DENND4B: variants seen among roughly 807,000 people sequenced by gnomAD.
DENND4B encodes the protein DENN domain-containing protein 4B.
In DENND4B, 67 loss-of-function variants were observed where a neutral mutation model predicts 161.0. The observed-to-expected ratio is 0.42, with a 90% CI of 0.34 to 0.51. DENND4B has a LOEUF of 0.51. Among genes scored for constraint, DENND4B ranks in the 20% least tolerant of loss-of-function variants. DENND4B has a pLI of 0.08. For missense variants in DENND4B, 1,481 were observed against 1,968.0 expected (o/e 0.75, Z 4.68); for synonymous variants, 753 against 813.8 (o/e 0.93, Z 1.27).
chr1:153,932,393 G>C lies in DENND4B; in HGVS notation c.3807C>G (p.Pro1269=), dbSNP rs1372200131. Residue 1269 remains proline (P), a synonymous_variant, in exon 24 of 28, where the codon CCC becomes CCG. Coordinates refer to ENST00000361217, the MANE Select transcript of DENND4B (RefSeq NM_014856.3). This position sits in a 1 kb window ranked among gnomAD's most constrained non-coding sequence, Gnocchi z 5.8. Reference sequence around the variant, plus strand: ...ACTCCAGCTCCTTACGCAGCACCAGGGGGCTCAGGTATGCCCATGCCCCAC... The same window carrying C: ...ACTCCAGCTCCTTACGCAGCACCAGCGGGCTCAGGTATGCCCATGCCCCAC... The part of the protein sequence containing the change: ...VESGAWAYLS[P]LVLRKELESL... 6.2e-7 allele frequency: 1 copy of C among 1,613,506 alleles called. No individual in the cohort carries two copies. The highest frequency in any genetic ancestry group is 1.7e-5 in the Admixed American group (1 of 59,946).
Position 153,942,166 on chromosome 1 carries a change from T to G in DENND4B, c.810+21A>C. 1 of 1,613,864 alleles carries G rather than the reference T, an allele frequency of 6.2e-7. No homozygotes were observed. The highest frequency in any genetic ancestry group is 1.6e-4 in the Middle Eastern group (1 of 6,062). ...CAGGCCCTGCATAGCCTGGACCCCT[T>G]GCCACACTCCACACACCCACCTTAT... On this transcript the variant is annotated intron_variant, in intron 5 of 27. Coordinates refer to ENST00000361217, the MANE Select transcript of DENND4B (RefSeq NM_014856.3). The surrounding 1 kb of genome is among the most constrained non-coding windows in gnomAD (Gnocchi z 6.9).
At position 153,941,998 on chromosome 1, in the gene DENND4B, C is replaced by A; in HGVS notation, c.926G>T (p.Gly309Val). 1.2e-6 allele frequency: 2 copies of A among 1,611,720 alleles called. No homozygotes were observed. The highest frequency in any genetic ancestry group is 1.7e-6 in the Non-Finnish European group (2 of 1,179,322). The change falls in exon 6 of 28, where the codon GGC becomes GTC. Residue 309 changes from glycine (G) to valine (V), a missense_variant. Physicochemically the swap from Gly to Val is moderately radical, Grantham distance 109. This residue lies in a region of DENND4B where 806 missense variants were observed against 1,134.4 expected (regional missense o/e 0.71). Transcript: ENST00000361217. ...SAVERGRALGGRAVRSRRAIA... is the reference protein window; with the variant it reads ...SAVERGRALGVRAVRSRRAIA... ...GGCACGCCGGCTGCGCACAGCTCTG[C>A]CCCCCAGTGCCCGACCCCGCTCCAC...
rs1679364589 is a variant in DENND4B, at chr1:153,936,787, C to T, written c.2233-39G>A. ...GGGACACATCAGGGTGAGTACAATG[C>T]CAGGTCTTTCTTACTTATCTATTTA... On this transcript the variant is annotated intron_variant, in intron 15 of 27. Coordinates refer to ENST00000361217, the MANE Select transcript of DENND4B (RefSeq NM_014856.3). The surrounding 1 kb of genome is among the most constrained non-coding windows in gnomAD (Gnocchi z 4.1). 1 of 1,458,782 alleles carries T rather than the reference C, an allele frequency of 6.9e-7. No homozygotes were observed. The highest frequency in any genetic ancestry group is 9.1e-7 in the Non-Finnish European group (1 of 1,096,206). The allele number at this position is 1,458,782 out of a possible 1,614,324, so 90.4% of individuals were successfully genotyped here.
At position 153,934,867 on chromosome 1, in the gene DENND4B, T is replaced by C; in HGVS notation, c.2666A>G (p.Gln889Arg). Residue 889 changes from glutamine (Q) to arginine (R), a missense_variant, in exon 18 of 28, where the codon CAG becomes CGG. Physicochemically the swap from Gln to Arg is conservative, Grantham distance 43 (BLOSUM62 1). Coordinates refer to ENST00000361217, the MANE Select transcript of DENND4B (RefSeq NM_014856.3). The surrounding 1 kb of genome is among the most constrained non-coding windows in gnomAD (Gnocchi z 5.3). ...NVVLGAAQFRQPLRERQQQQQ... is the reference protein window; with the variant it reads ...NVVLGAAQFRRPLRERQQQQQ... ...CTGCTGTTGCCGTTCTCTCAAGGGC[T>C]GGCGGAACTGAGCAGCCCCCAGGAC... 6.2e-7 allele frequency: 1 copy of C among 1,613,694 alleles called. No individual in the cohort carries two copies.
At chr1:153,945,248 G>C (rs553240829) in intron 1 of DENND4B, 5 of 1,107,268 alleles carry the variant, frequency 4.5e-6, no homozygotes, top group Admixed American at 2.6e-5. Context: ...GCCCAGAAGC[G>C]TGGGGGGTGC....
rs1363684921 is a variant in DENND4B, at chr1:153,942,873, C to T, written c.570+5G>A. ...GACCAGGTGTCAGCTCTTGGCCCCA[C>T]TCACCATGCCAGGGTTGAGGTTGCG... On this transcript the variant is annotated splice_donor_5th_base_variant and intron_variant, in intron 3 of 27. Transcript: ENST00000361217. This position sits in a 1 kb window ranked among gnomAD's most constrained non-coding sequence, Gnocchi z 6.9. 1 of 1,592,360 alleles carries T rather than the reference C, an allele frequency of 6.3e-7. No individual in the cohort carries two copies.
At chr1:153,941,775 G>GGGCT in intron 6 of DENND4B, 94 bp downstream of exon 6, 1 of 1,338,172 alleles carries the variant, frequency 7.5e-7, no homozygotes. Flanking sequence ...CCTGTGCCCA[G>GGGCT]CCCTCCCCCC....
At position 153,934,928 on chromosome 1, in the gene DENND4B, C is replaced by T. The variant is rs377285411; in HGVS notation, c.2605G>A (p.Gly869Ser). 1 of 1,613,176 alleles carries T rather than the reference C, an allele frequency of 6.2e-7. No individual in the cohort carries two copies. Among genetic ancestry groups the T allele is most frequent in the Non-Finnish European group, 8.5e-7 (1 of 1,179,904 alleles). ...LESKWPSGTP[G>S]GRLRWAKLRN... is the part of the protein sequence containing the mutation. The stretch of plus-strand genomic sequence containing the variant: ...AGCTTGGCCCAGCGCAGACGCCCAC[C>T]TGGTGTGCCAGACGGCCACTTGCTT... The change falls in exon 18 of 28, where the codon GGT becomes AGT. Residue 869 changes from glycine (G) to serine (S), a missense_variant. This residue lies in a region of DENND4B where 339 missense variants were observed against 330.3 expected (regional missense o/e 1.03). Transcript: ENST00000361217. This position sits in a 1 kb window ranked among gnomAD's most constrained non-coding sequence, Gnocchi z 5.3.
chr1:153,931,794 C>G (rs1269250198), intron 24 of DENND4B, among the ~76,000 whole-genome samples: 2 of 151,412 alleles, frequency 1.3e-5, no homozygotes, highest in East Asian at 3.9e-4. Flanking sequence ...CCACACCCAG[C>G]CAGTCTATGC....
In DENND4B at chr1:153,936,229, C is replaced by A; in HGVS notation, c.2440-41G>T. 6.4e-7 allele frequency: 1 copy of A among 1,573,976 alleles called. No individual in the cohort carries two copies. Among genetic ancestry groups the A allele is most frequent in the South Asian group, 1.2e-5 (1 of 85,970 alleles). Reference sequence around the variant, plus strand: ...CACAGGACAATGGGAGACTCACTCTCAACCAAAACCAAAGTCTCAGCAAGC... The same window carrying A: ...CACAGGACAATGGGAGACTCACTCTAAACCAAAACCAAAGTCTCAGCAAGC... On this transcript the variant is annotated intron_variant, in intron 16 of 27. Transcript: ENST00000361217. This position sits in a 1 kb window ranked among gnomAD's most constrained non-coding sequence, Gnocchi z 4.1.
chr1:153,938,811 T>A, intron 13 of DENND4B, 89 bp downstream of exon 13: 1 of 1,415,170 alleles, frequency 7.1e-7, no homozygotes, highest in East Asian at 2.5e-5. Flanking sequence ...ACCCTGAACA[T>A]GCCCGATTCC....
chr1:153,930,885 A>C lies in DENND4B; in HGVS notation c.4115-28T>G. The C allele has an allele frequency of 6.3e-7, 1 of 1,595,598 alleles. No homozygotes were observed. Among genetic ancestry groups the C allele is most frequent in the Non-Finnish European group, 8.5e-7 (1 of 1,171,760 alleles). On this transcript the variant is annotated intron_variant, in intron 25 of 27. Coordinates refer to ENST00000361217, the MANE Select transcript of DENND4B (RefSeq NM_014856.3). The surrounding 1 kb of genome is among the most constrained non-coding windows in gnomAD (Gnocchi z 4.7). ...GGATGAAAGGAAAGAAGGCCACCAG[A>C]ATCACTGAGCCCTCTGGGTATGGGA...
chr1:153,941,298 G>A lies in DENND4B; in HGVS notation c.1123-9C>T, dbSNP rs750975176. ...TTGTCATAGGGAGACATCTGGAAGGGAAGAAGAGCCACGGCTCAGGGTAAT... is the reference window on the plus strand; with the variant it reads ...TTGTCATAGGGAGACATCTGGAAGGAAAGAAGAGCCACGGCTCAGGGTAAT... On this transcript the variant is annotated splice_polypyrimidine_tract_variant and intron_variant, in intron 7 of 27. Coordinates refer to ENST00000361217, the MANE Select transcript of DENND4B (RefSeq NM_014856.3). The A allele has an allele frequency of 1.9e-6, 3 of 1,613,736 alleles. No individual in the cohort carries two copies. The highest frequency in any genetic ancestry group is 2.7e-5 in the African/African-American group (2 of 74,896).
chr1:153,942,354 G>C lies in DENND4B; in HGVS notation c.643C>G (p.Leu215Val). 6 of 1,610,524 alleles carry C rather than the reference G, an allele frequency of 3.7e-6. No individual in the cohort carries two copies. The highest frequency in any genetic ancestry group is 5.1e-6 in the Non-Finnish European group (6 of 1,177,968). ...KANTLVYEAE[L>V]LGRYPEEDNE... ...TCCTCCTCCGGGTAGCGGCCCAGCA[G>C]CTCTGCACCCCCAGCATAGTTGGGG... is the stretch of plus-strand genomic sequence containing the variant. Residue 215 changes from leucine to valine, a missense_variant and splice_region_variant, in exon 5 of 28, where the codon CTG becomes GTG. Physicochemically the swap from Leu to Val is conservative, Grantham distance 32 (BLOSUM62 1). This residue lies in a region of DENND4B where 806 missense variants were observed against 1,134.4 expected (regional missense o/e 0.71). Transcript: ENST00000361217. This position sits in a 1 kb window ranked among gnomAD's most constrained non-coding sequence, Gnocchi z 6.9.
In DENND4B at chr1:153,936,706, C is replaced by T. The variant is rs1301797446; in HGVS notation, c.2275G>A (p.Val759Met). ...AGGCACCGGGCCCACAGCTCAGGCA[C>T]AGCTGCTGACTTCTGTGCCATCCGC... is the stretch of plus-strand genomic sequence containing the variant. ...AQRMAQKSAA[V>M]PELWARCLLG... Residue 759 changes from valine (V) to methionine (M), a missense_variant, in exon 16 of 28, where the codon GTG becomes ATG. Val to Met is a conservative substitution (Grantham distance 21, BLOSUM62 1). Coordinates refer to ENST00000361217, the MANE Select transcript of DENND4B (RefSeq NM_014856.3). The surrounding 1 kb of genome is among the most constrained non-coding windows in gnomAD (Gnocchi z 4.1). 1.9e-6 allele frequency: 3 copies of T among 1,609,560 alleles called. No individual in the cohort carries two copies. Among genetic ancestry groups the T allele is most frequent in the South Asian group, 2.2e-5 (2 of 90,548 alleles).
chr1:153,930,033 G>A lies in DENND4B; in HGVS notation c.*264C>T, dbSNP rs1678812995. 3 of 510,906 alleles carry A rather than the reference G, an allele frequency of 5.9e-6. No individual in the cohort carries two copies. In the South Asian group the frequency reaches 7.5e-5, roughly 13 times the overall value. 31.6% of individuals were successfully genotyped at this position (510,906 alleles called of 1,614,324 possible). ...CCCTGGAGGGGAGTTCCCGGTATAG[G>A]ACAAGGGAAGAACAGAGCTGTACCA... is the stretch of plus-strand genomic sequence containing the variant. On this transcript the variant is annotated 3_prime_UTR_variant, in exon 28 of 28. Transcript: ENST00000361217. This position sits in a 1 kb window ranked among gnomAD's most constrained non-coding sequence, Gnocchi z 4.7.
intron 11 of DENND4B, 49 bp from the exon 12 acceptor site, chr1:153,939,853 C>CCCT: frequency 6.4e-7 from 1 of 1,572,900 alleles, no homozygotes; most frequent in Non-Finnish European, 8.7e-7. Flanking sequence ...CATAGTGTTA[C>CCCT]CCTCAACTCT....
chr1:153,934,136 G>A lies in DENND4B; in HGVS notation c.2940C>T (p.His980=). 1.3e-6 allele frequency: 2 copies of A among 1,562,388 alleles called. No homozygotes were observed. Among genetic ancestry groups the A allele is most frequent in the Non-Finnish European group, 1.7e-6 (2 of 1,163,198 alleles). ...AGGGAGCCAGACAAGGGCACTCACT[G>A]TGGGCCACACCGGCCTCCACAGTGG... ...AQPTVEAGVA[H]MIEALGVLEP... Residue 980 remains histidine (H), a splice_region_variant and synonymous_variant, in exon 19 of 28, where the codon CAC becomes CAT. Transcript: ENST00000361217. The surrounding 1 kb of genome is among the most constrained non-coding windows in gnomAD (Gnocchi z 5.3).
chr1:153,940,312 G>C lies in DENND4B; in HGVS notation c.1503-56C>G. On this transcript the variant is annotated intron_variant, in intron 10 of 27. Coordinates refer to ENST00000361217, the MANE Select transcript of DENND4B (RefSeq NM_014856.3). This position sits in a 1 kb window ranked among gnomAD's most constrained non-coding sequence, Gnocchi z 5.6. Reference sequence around the variant, plus strand: ...CGAGGCTCTGGGATAGGGTGACGGGGTTCCTTGCCAGCCTCCCTCACTTTG... The same window carrying C: ...CGAGGCTCTGGGATAGGGTGACGGGCTTCCTTGCCAGCCTCCCTCACTTTG... 6.4e-7 allele frequency: 1 copy of C among 1,565,646 alleles called. No homozygotes were observed. Among genetic ancestry groups the C allele is most frequent in the Non-Finnish European group, 8.7e-7 (1 of 1,152,576 alleles).
Sources: gnomAD v4.1 joint callset for allele counts (sites outside exome capture counted in the v4.1 genomes callset) on GRCh38, gnomAD v4.1.1 for gene constraint, gnomAD v4.1.1 regional missense constraint, Gnocchi (gnomAD v3.1) non-coding constraint, MANE v1.5 for transcripts, NCBI Gene and HGNC (gene_info 2026-07-23, HGNC 2026-07-21) for gene names.